MDN1: variants seen among roughly 807,000 people sequenced by gnomAD.
The protein encoded by MDN1 is midasin AAA ATPase 1, also known as midasin.
In MDN1, 266 loss-of-function variants were observed where a neutral mutation model predicts 669.2. The ratio of observed to expected loss-of-function variants is 0.40; its 90% confidence interval spans 0.36 to 0.44. The LOEUF (loss-of-function observed/expected upper bound fraction) is 0.44. MDN1 is among the 20% of genes least tolerant of loss of function. MDN1 has a pLI of 1.00. For missense variants in MDN1, 5,940 were observed against 6,754.0 expected (o/e 0.88, Z 4.22); for synonymous variants, 2,385 against 2,457.1 (o/e 0.97, Z 0.87).
intron 50 of MDN1, among the ~76,000 whole-genome samples, chr6:89,709,758 G>A (rs1220844715): frequency 6.6e-6 from 1 of 152,126 alleles, no homozygotes. Context: ...TAATGCTTGT[G>A]CCAATCAAGT....
chr6:89,728,104 C>T (rs1386889437), intron 36 of MDN1, 149 bp from the exon 37 acceptor site: 1 of 953,480 alleles, frequency 1.0e-6, no homozygotes, highest in Non-Finnish European at 1.5e-6. Flanking sequence ...AATCCCAGCT[C>T]TCTTTACCAG....
chr6:89,690,893 C>G, intron 63 of MDN1, 59 bp from the exon 64 acceptor site: 1 of 1,549,114 alleles, frequency 6.5e-7, no homozygotes, highest in South Asian at 1.2e-5. Context: ...TTCACAAAGG[C>G]AAGATTTGCT....
At chr6:89,761,114 C>T (rs569944265) in intron 17 of MDN1, among the ~76,000 whole-genome samples, 24 of 151,938 alleles carry the variant, frequency 1.6e-4, no homozygotes, top group East Asian at 1.2e-3. Flanking sequence ...TGCAGTGAGC[C>T]GAGACTGTGC....
chr6:89,776,287 C>T (rs1305270825), intron 12 of MDN1, among the ~76,000 whole-genome samples: 1 of 151,966 alleles, frequency 6.6e-6, no homozygotes, highest in African/African-American at 2.4e-5. Flanking sequence ...CATGGAGAAA[C>T]CCCATCTCTA....
At chr6:89,690,621 T>TC in intron 64 of MDN1, 52 bp downstream of exon 64, 1 of 1,593,628 alleles carries the variant, frequency 6.3e-7, no homozygotes, top group Non-Finnish European at 8.6e-7. Context: ...AGGGAATGTA[T>TC]ATGGCATCAA....
chr6:89,754,097 G>A lies in MDN1; in HGVS notation c.2950C>T (p.Arg984Cys), dbSNP rs757810795. 18 of 1,613,756 alleles carry A rather than the reference G, an allele frequency of 1.1e-5. No homozygotes were observed. The highest frequency in any genetic ancestry group is 1.0e-4 in the Admixed American group (6 of 59,978). The change falls in exon 21 of 102, where the codon CGC becomes TGC. Residue 984 changes from arginine to cysteine, a missense_variant. Around this residue, in one of 5 missense-constraint regions of MDN1, gnomAD observed 1,203 missense variants for 1,268.9 expected, o/e 0.95. Transcript: ENST00000369393. ...AASNPCGNIQRSLYEGFCLGF... is the reference protein window; with the variant it reads ...AASNPCGNIQCSLYEGFCLGF... The stretch of plus-strand genomic sequence containing the variant: ...TTCAGAAAGACCTCATAGAGTGAGC[G>A]CTGAATGTTGCCACATGGATTGGAG...
rs1808697077 is a variant in MDN1, at chr6:89,649,326, C to G, written c.16206+698G>C. On this transcript the variant is annotated intron_variant, in intron 97 of 101. Transcript: ENST00000369393. ...ATTCCTCACTTTTCAGAAGGTGAAA[C>G]TGATAACTAAGAAATAAGTTGCCCA... is the stretch of plus-strand genomic sequence containing the variant. Among the ~76,000 whole-genome samples the G allele has an allele frequency of 2.6e-5, 4 of 152,154 alleles. No homozygotes were observed. In the South Asian group the frequency reaches 8.3e-4, roughly 31 times the overall value.
chr6:89,770,980 A>C (rs1818051549), intron 15 of MDN1, among the ~76,000 whole-genome samples: 1 of 152,182 alleles, frequency 6.6e-6, no homozygotes, highest in Non-Finnish European at 1.5e-5. Context: ...TCAAATAAAT[A>C]CCTTGCTGTG....
At chr6:89,696,325 G>A (rs751169403) in intron 60 of MDN1, 35 bp downstream of exon 60, 8 of 1,599,260 alleles carry the variant, frequency 5.0e-6, no homozygotes, top group Non-Finnish European at 6.9e-6. Flanking sequence ...GAAAAGACAG[G>A]AACTTTACAG....
chr6:89,693,230 G>A (rs764495224), intron 62 of MDN1, 82 bp from the exon 63 acceptor site: 25 of 985,844 alleles, frequency 2.5e-5, no homozygotes, highest in Non-Finnish European at 3.4e-5. Context: ...TAGGAAAACC[G>A]AAGGAAGAAA....
In MDN1 at chr6:89,675,585, A is replaced by G. The variant is rs183716658; in HGVS notation, c.12646-6T>C. The G allele has an allele frequency of 3.2e-5, 51 of 1,612,398 alleles. No individual in the cohort carries two copies. The East Asian group carries it at 9.4e-4, about 30-fold the overall frequency. On this transcript the variant is annotated splice_polypyrimidine_tract_variant and splice_region_variant and intron_variant, in intron 77 of 101. Coordinates refer to ENST00000369393, the MANE Select transcript of MDN1 (RefSeq NM_014611.3). Reference sequence around the variant, plus strand: ...ACGTTGCCCATGCCCATTTCCTGGCAGAAGAAGGAAAAACATGCTGAAGGG... The same window carrying G: ...ACGTTGCCCATGCCCATTTCCTGGCGGAAGAAGGAAAAACATGCTGAAGGG...
chr6:89,762,670 G>A (rs1258951402), intron 15 of MDN1, 140 bp from the exon 16 acceptor site: 9 of 649,162 alleles, frequency 1.4e-5, no homozygotes, highest in Non-Finnish European at 2.1e-5. Context: ...TAAAATCTAC[G>A]TTACAGTTTT....
In MDN1 at chr6:89,772,676, G is replaced by C. The variant is rs765252369; in HGVS notation, c.1980C>G (p.Ile660Met). 1 of 1,614,058 alleles carries C rather than the reference G, an allele frequency of 6.2e-7. No individual in the cohort carries two copies. The highest frequency in any genetic ancestry group is 2.2e-5 in the East Asian group (1 of 44,864). ...FAATRPSSVL[I>M]EQLAVCVSKG... ...TGCTGACACACACTGCAAGCTGCTC[G>C]ATGAGAACAGAGGACGGCCGTGTAG... Residue 660 changes from isoleucine to methionine, a missense_variant, in exon 14 of 102, where the codon ATC becomes ATG. Coordinates refer to ENST00000369393, the MANE Select transcript of MDN1 (RefSeq NM_014611.3).
At chr6:89,675,394 A>G (rs1410785004) in intron 78 of MDN1, 70 bp downstream of exon 78, 16 of 1,306,804 alleles carry the variant, frequency 1.2e-5, no homozygotes, top group Non-Finnish European at 1.7e-5. Flanking sequence ...CCCCACATGC[A>G]GCAACTCTGA....
chr6:89,788,841 G>A (rs1819104878), intron 7 of MDN1, among the ~76,000 whole-genome samples: 1 of 152,100 alleles, frequency 6.6e-6, no homozygotes, highest in Admixed American at 6.6e-5. Context: ...AAGAGGTAAG[G>A]AAGGCCGGGC....
chr6:89,692,328 C>A, intron 63 of MDN1, 115 bp downstream of exon 63: 3 of 883,756 alleles, frequency 3.4e-6, no homozygotes, highest in South Asian at 1.9e-5. Flanking sequence ...AAAATGCCCA[C>A]GCCCCAACGA....
intron 99 of MDN1, among the ~76,000 whole-genome samples, chr6:89,647,071 G>A (rs1808534996): frequency 6.6e-6 from 1 of 152,186 alleles, no homozygotes; most frequent in Non-Finnish European, 1.5e-5. Context: ...ACAAGTGTGA[G>A]CCACCATGCC....
At position 89,684,939 on chromosome 6, in the gene MDN1, T is replaced by G. The variant is rs761017647; in HGVS notation, c.11766A>C (p.Gln3922His). 1.2e-6 allele frequency: 2 copies of G among 1,613,828 alleles called. No individual in the cohort carries two copies. Among genetic ancestry groups the G allele is most frequent in the Non-Finnish European group, 1.7e-6 (2 of 1,179,752 alleles). ...VLWNLYHYYK[Q>H]FFDRVQAKIV... Reference sequence around the variant, plus strand: ...TTTTGGCCTGGACCCGGTCAAAGAATTGCTTGTAATAATGGTACAAATTCC... The same window carrying G: ...TTTTGGCCTGGACCCGGTCAAAGAAGTGCTTGTAATAATGGTACAAATTCC... Residue 3922 changes from glutamine (Q) to histidine (H), a missense_variant, in exon 71 of 102, where the codon CAA becomes CAC. Around this residue, in one of 5 missense-constraint regions of MDN1, gnomAD observed 2,280 missense variants for 2,576.3 expected, o/e 0.88. Transcript: ENST00000369393.
Position 89,690,796 on chromosome 6 carries a change from GGCTAT to G in MDN1, c.10621_10625del (p.Ile3541ProfsTer5), listed in dbSNP as rs1366622556. The G allele has an allele frequency of 6.2e-7, 1 of 1,613,954 alleles. No homozygotes were observed. The highest frequency in any genetic ancestry group is 8.5e-7 in the Non-Finnish European group (1 of 1,179,988). The stretch of plus-strand genomic sequence containing the variant: ...CGCTTTCCTGCTCAGCCTTCTCTTG[GGCTAT>G]GCGTTCCTGCTCATCCCACTCACTG... On this transcript the variant is annotated frameshift_variant, in exon 64 of 102. Transcript: ENST00000369393. LOFTEE classifies it high-confidence loss of function.
Sources: gnomAD v4.1 joint callset for allele counts (sites outside exome capture counted in the v4.1 genomes callset) on GRCh38, gnomAD v4.1.1 for gene constraint, gnomAD v4.1.1 regional missense constraint, MANE v1.5 for transcripts, NCBI Gene and HGNC (gene_info 2026-07-23, HGNC 2026-07-21) for gene names.